COBLL1: variants seen among roughly 807,000 people sequenced by gnomAD.
COBLL1 encodes cordon-bleu WH2 repeat protein like 1, also known as cordon-bleu protein-like 1.
COBLL1 carries 50 observed loss-of-function variants against 94.8 expected under a neutral mutation model. The observed-to-expected ratio is 0.53, with a 90% CI of 0.42 to 0.67. The LOEUF is 0.67. Among genes scored for constraint, COBLL1 ranks in the 30% least tolerant of loss-of-function variants. The pLI is 0.00. For missense variants in COBLL1, 1,362 were observed against 1,348.7 expected (o/e 1.01, Z -0.15); for synonymous variants, 448 against 473.8 (o/e 0.95, Z 0.71).
chr2:164,713,845 C>T (rs1165470255), intron 7 of COBLL1, among the ~76,000 whole-genome samples: 1 of 152,090 alleles, frequency 6.6e-6, no homozygotes, highest in Non-Finnish European at 1.5e-5. Context: ...GGATTAGACA[C>T]CGTCATCTCG....
At chr2:164,679,171 T>C (rs1682929176), downstream of COBLL1, among the ~76,000 whole-genome samples, 1 of 152,142 alleles carries the variant, frequency 6.6e-6, no homozygotes, top group African/African-American at 2.4e-5. Flanking sequence ...CCTCTGACTT[T>C]GATTCTAGAC....
intron 2 of COBLL1, chr2:164,779,698 C>T (rs1323457286): frequency 2.1e-6 from 1 of 470,988 alleles, no homozygotes; most frequent in Non-Finnish European, 4.4e-6. Flanking sequence ...ACCAAAAAGT[C>T]CCCTTTTAGC....
At chr2:164,759,207 TA>T (rs1687563736) in intron 2 of COBLL1, among the ~76,000 whole-genome samples, 1 of 152,152 alleles carries the variant, frequency 6.6e-6, no homozygotes, top group Admixed American at 6.5e-5. Flanking sequence ...CAGACTCTGT[TA>T]AAATTTTAAA....
intron 1 of COBLL1, among the ~76,000 whole-genome samples, chr2:164,674,804 C>T (rs183850666): frequency 5.3e-5 from 8 of 152,230 alleles, no homozygotes; most frequent in East Asian, 3.9e-4. Flanking sequence ...AACATTCATG[C>T]GTAATTTTCT....
intron 1 of COBLL1, among the ~76,000 whole-genome samples, chr2:164,668,339 CTCTT>C (rs1365312303): frequency 6.6e-6 from 1 of 152,168 alleles, no homozygotes; most frequent in African/African-American, 2.4e-5. Context: ...GAGCCTTTAA[CTCTT>C]TCTTTCACTT....
rs952975625 is a variant in COBLL1 at position 164,681,123 on chromosome 2, T to A, written c.*4823A>T. ...CAATTTATGATTAGGGTTAGAGTCA[T>A]ATGTGTATGGTTTGTTTAACAGGGT... On this transcript the variant is annotated 3_prime_UTR_variant, in exon 14 of 14. Coordinates refer to ENST00000652658, the MANE Select transcript of COBLL1 (RefSeq NM_001365672.2). The A allele has an allele frequency of 6.6e-6, 1 of 152,178 alleles. No homozygotes were observed. Among genetic ancestry groups the A allele is most frequent in the Non-Finnish European group, 1.5e-5 (1 of 68,026 alleles). The allele number at this position is 152,178 out of a possible 1,614,324, so 9.4% of individuals were successfully genotyped here.
chr2:164,813,631 C>T (rs1684569529), intron 2 of COBLL1, among the ~76,000 whole-genome samples: 1 of 152,040 alleles, frequency 6.6e-6, no homozygotes, highest in Non-Finnish European at 1.5e-5. Context: ...AAGAAATGAA[C>T]AACAAAGTAG....
chr2:164,699,319 T>TGAGTTAATACATATAAA, intron 11 of COBLL1, 86 bp downstream of exon 11: 1 of 837,134 alleles, frequency 1.2e-6, no homozygotes. Context: ...GGAGATTAAA[T>TGAGTTAATACATATAAA]GAGTTAATAC....
chr2:164,751,751 T>C (rs898249761), intron 2 of COBLL1, among the ~76,000 whole-genome samples: 2 of 152,172 alleles, frequency 1.3e-5, no homozygotes, highest in East Asian at 1.9e-4. Context: ...CCCAAAGACA[T>C]GCACATGGAT....
At chr2:164,725,176 TA>T (rs2105508211) in intron 5 of COBLL1, among the ~76,000 whole-genome samples, 1 of 147,870 alleles carries the variant, frequency 6.8e-6, no homozygotes, top group South Asian at 2.1e-4. Flanking sequence ...TCTCAGGAAC[TA>T]TAAGTGAACA....
intron 2 of COBLL1, among the ~76,000 whole-genome samples, chr2:164,755,558 A>G (rs1371301712): frequency 6.6e-6 from 1 of 152,184 alleles, no homozygotes; most frequent in Non-Finnish European, 1.5e-5. Flanking sequence ...AGGACACAAT[A>G]GAACCTCTTT....
At chr2:164,820,795 A>G (rs1330426080) in intron 2 of COBLL1, among the ~76,000 whole-genome samples, 1 of 152,232 alleles carries the variant, frequency 6.6e-6, no homozygotes, top group Admixed American at 6.5e-5. Flanking sequence ...TAACCTGGTT[A>G]GGATTCCTTA....
intron 2 of COBLL1, among the ~76,000 whole-genome samples, chr2:164,665,323 T>C (rs1691137716): frequency 1.2e-5 from 1 of 84,250 alleles, no homozygotes; most frequent in Non-Finnish European, 2.3e-5. Context: ...AGAGCAAGAT[T>C]CTGTGTCAAA....
intron 3 of COBLL1, among the ~76,000 whole-genome samples, chr2:164,731,509 G>C (rs76429559): frequency 6.6e-6 from 1 of 152,112 alleles, no homozygotes; most frequent in African/African-American, 2.4e-5. Context: ...CTTAAGGAAA[G>C]CACACTAAAA....
chr2:164,833,766 G>A (rs1490711880), intron 2 of COBLL1, among the ~76,000 whole-genome samples: 1 of 152,118 alleles, frequency 6.6e-6, no homozygotes, highest in Non-Finnish European at 1.5e-5. Flanking sequence ...TCCAATTAAA[G>A]CACTTCGCCA....
chr2:164,672,268 C>T (rs767480039), intron 1 of COBLL1, among the ~76,000 whole-genome samples: 6 of 152,198 alleles, frequency 3.9e-5, no homozygotes, highest in Non-Finnish European at 1.5e-5. Context: ...GTGTCTGTCC[C>T]TTCAGTGCCT....
chr2:164,729,462 G>T (rs1287199337), intron 4 of COBLL1, among the ~76,000 whole-genome samples: 2 of 151,330 alleles, frequency 1.3e-5, no homozygotes, highest in African/African-American at 4.8e-5. Flanking sequence ...CACATTAATA[G>T]TTTAGATGTT....
intron 7 of COBLL1, chr2:164,721,807 AT>A (rs998665478): frequency 1.5e-3 from 326 of 212,610 alleles, no homozygotes; most frequent in East Asian, 2.8e-3. Context: ...AGGTTTTCAG[AT>A]TTTTTTTTGC....
At chr2:164,701,049 T>C (rs953913314) in intron 9 of COBLL1, among the ~76,000 whole-genome samples, 6 of 152,214 alleles carry the variant, frequency 3.9e-5, no homozygotes, top group African/African-American at 1.4e-4. Flanking sequence ...ATTTAAGAAA[T>C]GTCTTACAAT....
Sources: gnomAD v4.1 joint callset for allele counts (sites outside exome capture counted in the v4.1 genomes callset) on GRCh38, gnomAD v4.1.1 for gene constraint, MANE v1.5 for transcripts, NCBI Gene and HGNC (gene_info 2026-07-23, HGNC 2026-07-21) for gene names.